Variants in RALGPS1 observed in about 807,000 individuals in gnomAD.
RALGPS1 encodes ras-specific guanine nucleotide-releasing factor RalGPS1.
Under a neutral mutation model 78.8 loss-of-function variants are expected in RALGPS1, and 19 were observed. That is an observed-to-expected ratio of 0.24 (90% CI 0.17 to 0.35). RALGPS1 has a LOEUF of 0.35. Ranked by LOEUF, RALGPS1 falls within the 10% of genes least tolerant of loss-of-function variation. RALGPS1 has a pLI of 1.00. For missense variants in RALGPS1, 454 were observed against 688.3 expected (o/e 0.66, Z 3.81); for synonymous variants, 228 against 256.3 (o/e 0.89, Z 1.06).
intron 11 of RALGPS1, chr9:127,177,773 T>G: frequency 6.6e-7 from 1 of 1,524,488 alleles, no homozygotes; most frequent in Non-Finnish European, 8.9e-7. Flanking sequence ...CTGGCCTCCT[T>G]TGACCCCTGA....
chr9:127,076,518 C>A (rs942278061), intron 8 of RALGPS1, among the ~76,000 whole-genome samples: 1 of 152,132 alleles, frequency 6.6e-6, no homozygotes, highest in African/African-American at 2.4e-5. Context: ...GCAAACCTTT[C>A]CATTTTTCAA....
intron 4 of RALGPS1, among the ~76,000 whole-genome samples, chr9:127,032,373 G>A (rs1473245023): frequency 1.3e-5 from 2 of 151,004 alleles, no homozygotes; most frequent in African/African-American, 2.4e-5. Flanking sequence ...ATGTGCGTGT[G>A]CACACACACA....
chr9:127,036,559 G>A (rs117590857), intron 5 of RALGPS1, among the ~76,000 whole-genome samples: 1,547 of 152,312 alleles, frequency 0.01, 48 homozygotes, highest in Non-Finnish European at 0.015. Context: ...AAAGAGAAAT[G>A]TGAAGATCAG....
At chr9:127,043,716 G>A (rs749340906) in intron 5 of RALGPS1, among the ~76,000 whole-genome samples, 7 of 152,134 alleles carry the variant, frequency 4.6e-5, no homozygotes, top group Non-Finnish European at 1.0e-4. Context: ...ATATGATAAA[G>A]GAGTTGTATC....
chr9:127,083,872 G>C (rs2136198474), intron 8 of RALGPS1, among the ~76,000 whole-genome samples: 1 of 152,290 alleles, frequency 6.6e-6, no homozygotes, highest in Middle Eastern at 3.4e-3. Flanking sequence ...CAGCTGTGGA[G>C]GTCTGGAGTG....
intron 1 of RALGPS1, among the ~76,000 whole-genome samples, chr9:126,952,485 G>A (rs2037914401): frequency 6.6e-6 from 1 of 152,158 alleles, no homozygotes; most frequent in African/African-American, 2.4e-5. Context: ...AGAGGGTCAG[G>A]AGGAGGTAGA....
intron 3 of RALGPS1, among the ~76,000 whole-genome samples, chr9:126,977,138 T>C (rs1156397189): frequency 6.6e-6 from 1 of 152,226 alleles, no homozygotes; most frequent in Non-Finnish European, 1.5e-5. Context: ...CATTGTGGGC[T>C]GGTGGAATAA....
chr9:127,078,112 A>G (rs2050838904), intron 8 of RALGPS1, among the ~76,000 whole-genome samples: 1 of 152,124 alleles, frequency 6.6e-6, no homozygotes, highest in Non-Finnish European at 1.5e-5. Flanking sequence ...AGCAAGGAAA[A>G]GCTTCCCTCG....
intron 7 of RALGPS1, among the ~76,000 whole-genome samples, chr9:127,056,312 G>A (rs1313986866): frequency 2.0e-5 from 3 of 152,210 alleles, no homozygotes; most frequent in African/African-American, 7.2e-5. Flanking sequence ...CAAAAGGTGG[G>A]TAGATGCAGC....
chr9:126,916,615 T>A (rs1412350281), intron 1 of RALGPS1, among the ~76,000 whole-genome samples: 1 of 152,078 alleles, frequency 6.6e-6, no homozygotes. Context: ...ACCCCCTCTC[T>A]ACTAAAAAAT....
intron 3 of RALGPS1, among the ~76,000 whole-genome samples, chr9:126,968,909 G>C (rs544468167): frequency 3.2e-4 from 48 of 152,232 alleles, no homozygotes; most frequent in African/African-American, 1.1e-3. Flanking sequence ...TTAACTGGAC[G>C]TGGTGGTGCA....
At chr9:127,118,957 G>A (rs2055749243) in intron 8 of RALGPS1, among the ~76,000 whole-genome samples, 2 of 152,206 alleles carry the variant, frequency 1.3e-5, no homozygotes, top group Admixed American at 6.5e-5. Flanking sequence ...GAGGACCTGA[G>A]CTCTGATTCT....
intron 11 of RALGPS1, chr9:127,184,350 G>T (rs2060496600): frequency 8.9e-6 from 3 of 335,304 alleles, no homozygotes; most frequent in South Asian, 7.7e-5. Flanking sequence ...AATGAACCAG[G>T]CCCTCTAAAT....
At chr9:127,039,642 G>C (rs1221831638) in intron 5 of RALGPS1, among the ~76,000 whole-genome samples, 2 of 152,196 alleles carry the variant, frequency 1.3e-5, no homozygotes, top group African/African-American at 2.4e-5. Flanking sequence ...TAAAGTCTCA[G>C]AAAAGGTGGA....
chr9:126,934,570 A>G (rs1267117409), intron 1 of RALGPS1, among the ~76,000 whole-genome samples: 1 of 152,214 alleles, frequency 6.6e-6, no homozygotes. Flanking sequence ...GGCATCAGGC[A>G]GCCTCTGCGA....
intron 7 of RALGPS1, among the ~76,000 whole-genome samples, chr9:127,058,389 A>G (rs2048922744): frequency 6.6e-6 from 1 of 152,170 alleles, no homozygotes; most frequent in African/African-American, 2.4e-5. Flanking sequence ...GTGGAAAACA[A>G]ACTGGGTGGG....
At position 126,959,079 on chromosome 9, in the gene RALGPS1, T is replaced by C. The variant is rs186471583; in HGVS notation, c.-65-3146T>C. Among the ~76,000 whole-genome samples the C allele has an allele frequency of 4.2e-3, 635 of 151,782 alleles. 6 individuals are homozygous for C. The highest frequency in any genetic ancestry group is 0.014 in the African/African-American group (594 of 41,402). ...TCTTCTTCTTCTTTTTTTTTTTTTT[T>C]TGAGGTGGAGTCTCACTCTGTTGCT... On this transcript the variant is annotated intron_variant, in intron 1 of 18. Coordinates refer to ENST00000259351, the MANE Select transcript of RALGPS1 (RefSeq NM_014636.3).
At position 127,122,154 on chromosome 9, in the gene RALGPS1, G is replaced by A. The variant is rs1188899153; in HGVS notation, c.611-43915G>A. 4.6e-5 allele frequency among the ~76,000 whole-genome samples: 7 copies of A among 152,132 alleles called. No homozygotes were observed. The highest frequency in any genetic ancestry group is 4.6e-4 in the Admixed American group (7 of 15,288). On this transcript the variant is annotated intron_variant, in intron 8 of 18. Coordinates refer to ENST00000259351, the MANE Select transcript of RALGPS1 (RefSeq NM_014636.3). The surrounding 1 kb of genome is among the most constrained non-coding windows in gnomAD (Gnocchi z 6.4). ...ACCAAATGTCCACAGGTTCTGCCCC[G>A]GACATGCCTCGTTTGGCTCCAAGCG... is the stretch of plus-strand genomic sequence containing the variant.
intron 1 of RALGPS1, among the ~76,000 whole-genome samples, chr9:126,940,204 G>A (rs1000631824): frequency 1.3e-5 from 2 of 151,966 alleles, no homozygotes; most frequent in Non-Finnish European, 2.9e-5. Flanking sequence ...TGCCCAGCCC[G>A]CCTCTCACTC....
Sources: gnomAD v4.1 joint callset for allele counts (sites outside exome capture counted in the v4.1 genomes callset) on GRCh38, gnomAD v4.1.1 for gene constraint, Gnocchi (gnomAD v3.1) non-coding constraint, MANE v1.5 for transcripts, NCBI Gene and HGNC (gene_info 2026-07-23, HGNC 2026-07-21) for gene names.